The following NCOA7 variants were observed in gnomAD, a reference collection of about 807,000 sequenced individuals.
NCOA7 encodes the protein 140 kDa estrogen receptor-associated protein.
Under a neutral mutation model 104.3 loss-of-function variants are expected in NCOA7, and 45 were observed. That is an observed-to-expected ratio of 0.43 (90% CI 0.34 to 0.55). NCOA7 has a LOEUF of 0.55. Among genes scored for constraint, NCOA7 ranks in the 20% least tolerant of loss-of-function variants. The pLI, the probability that NCOA7 is intolerant of heterozygous loss-of-function variation, is 0.02. For missense variants in NCOA7, 1,041 were observed against 1,119.7 expected (o/e 0.93, Z 1.00); for synonymous variants, 398 against 402.3 (o/e 0.99, Z 0.13).
At chr6:125,835,995 C>T (rs544885186) in intron 2 of NCOA7, among the ~76,000 whole-genome samples, 2 of 152,240 alleles carry the variant, frequency 1.3e-5, no homozygotes, top group East Asian at 1.9e-4. Flanking sequence ...ACAAGATAAC[C>T]TTTAAAGAAC....
intron 3 of NCOA7, among the ~76,000 whole-genome samples, chr6:125,867,248 C>A (rs2128631894): frequency 6.6e-6 from 1 of 152,304 alleles, no homozygotes; most frequent in South Asian, 2.1e-4. Flanking sequence ...AATATTGGTT[C>A]TTTACACAGA....
chr6:125,892,853 C>T (rs911731757), intron 10 of NCOA7, among the ~76,000 whole-genome samples: 1 of 152,140 alleles, frequency 6.6e-6, no homozygotes, highest in Admixed American at 6.5e-5. Context: ...TTATATTACA[C>T]TGCGTTAATG....
Position 125,878,289 on chromosome 6 carries a change from C to T in NCOA7, c.378C>T (p.Ser126=). ...YTAGNQDTLN[S]IALKFNITPN... is the part of the protein sequence containing the mutation. ...CTGGAAACCAGGACACCCTAAACTC[C>T]ATAGCACTGAAATTTAACATCACTC... Residue 126 remains serine, a synonymous_variant, in exon 5 of 16, where the codon TCC becomes TCT. Transcript: ENST00000392477. 6.2e-7 allele frequency: 1 copy of T among 1,612,488 alleles called. No homozygotes were observed. Among genetic ancestry groups the T allele is most frequent in the South Asian group, 1.1e-5 (1 of 90,792 alleles).
chr6:125,924,073 T>C (rs1787815162), intron 13 of NCOA7, among the ~76,000 whole-genome samples: 2 of 152,194 alleles, frequency 1.3e-5, no homozygotes, highest in Non-Finnish European at 2.9e-5. Context: ...ATAAAAAAAT[T>C]AAAATAATGA....
intron 11 of NCOA7, among the ~76,000 whole-genome samples, chr6:125,920,158 A>G (rs1337886830): frequency 2.0e-5 from 3 of 152,218 alleles, no homozygotes; most frequent in Non-Finnish European, 4.4e-5. Context: ...TGATGTTTCT[A>G]GGTTTAGAAG....
At chr6:125,856,264 A>G (rs139994229) in intron 3 of NCOA7, among the ~76,000 whole-genome samples, 6 of 152,256 alleles carry the variant, frequency 3.9e-5, no homozygotes, top group African/African-American at 1.4e-4. Context: ...CAGAGAAATG[A>G]CACTCGTTCT....
At chr6:125,859,237 G>T (rs962505635) in intron 3 of NCOA7, among the ~76,000 whole-genome samples, 2 of 143,608 alleles carry the variant, frequency 1.4e-5, no homozygotes, top group Non-Finnish European at 3.1e-5. Context: ...TGTGAGGGAG[G>T]AAAAAAAAAA....
At chr6:125,922,628 G>T (rs772379499) in intron 12 of NCOA7, 54 bp from the exon 13 acceptor site, 24 of 1,582,146 alleles carry the variant, frequency 1.5e-5, no homozygotes, top group African/African-American at 2.7e-5. Flanking sequence ...CCACATGTTC[G>T]TGAGCAATTT....
intron 2 of NCOA7, among the ~76,000 whole-genome samples, chr6:125,845,013 A>G (rs2128608359): frequency 6.6e-6 from 1 of 152,354 alleles, no homozygotes; most frequent in South Asian, 2.1e-4. Flanking sequence ...GTCAAGGACA[A>G]CAAACCTGAG....
At chr6:125,799,259 C>T (rs746840986) in intron 1 of NCOA7, among the ~76,000 whole-genome samples, 2 of 150,980 alleles carry the variant, frequency 1.3e-5, no homozygotes, top group Non-Finnish European at 2.9e-5. Flanking sequence ...CCTTTGCTGT[C>T]CTTGCTAGCT....
At chr6:125,803,050 A>G (rs939215494) in intron 1 of NCOA7, among the ~76,000 whole-genome samples, 2 of 152,214 alleles carry the variant, frequency 1.3e-5, no homozygotes, top group African/African-American at 4.8e-5. Flanking sequence ...CTGAGGCAGA[A>G]TCTGGTAGAA....
chr6:125,892,891 G>A (rs1784730983), intron 10 of NCOA7, among the ~76,000 whole-genome samples: 1 of 151,716 alleles, frequency 6.6e-6, no homozygotes, highest in Non-Finnish European at 1.5e-5. Flanking sequence ...TAGATGTTAG[G>A]AATTTTTTTG....
At chr6:125,913,047 C>T (rs1015663121) in intron 10 of NCOA7, among the ~76,000 whole-genome samples, 1 of 152,128 alleles carries the variant, frequency 6.6e-6, no homozygotes, top group Non-Finnish European at 1.5e-5. Flanking sequence ...ATTTCTCCCA[C>T]CCCATTCCAT....
At chr6:125,833,466 C>G (rs894874985) in intron 2 of NCOA7, among the ~76,000 whole-genome samples, 10 of 151,686 alleles carry the variant, frequency 6.6e-5, no homozygotes, top group African/African-American at 1.7e-4. Flanking sequence ...TCCTGTAATC[C>G]CAGCTACTCG....
chr6:125,898,654 C>T (rs113939314), intron 10 of NCOA7, among the ~76,000 whole-genome samples: 7 of 152,260 alleles, frequency 4.6e-5, no homozygotes, highest in African/African-American at 1.7e-4. Context: ...TTCATTCCCA[C>T]AAAAATATCT....
chr6:125,876,223 C>G lies in NCOA7; in HGVS notation c.351+1255C>G, dbSNP rs145387755. Among the ~76,000 whole-genome samples, 349 of 152,278 alleles carry G rather than the reference C, an allele frequency of 2.3e-3. 1 individual carries two copies. Among genetic ancestry groups the G allele is most frequent in the African/African-American group, 7.9e-3 (328 of 41,550 alleles). On this transcript the variant is annotated intron_variant, in intron 4 of 15. Transcript: ENST00000392477. Reference sequence around the variant, plus strand: ...TCTTTTGCAATAGTAAATCTGCAAGCCTCTGTAGAGTCACATTGAAGATCT... The same window carrying G: ...TCTTTTGCAATAGTAAATCTGCAAGGCTCTGTAGAGTCACATTGAAGATCT...
In NCOA7 at chr6:125,910,300, T is replaced by C. The variant is rs138630550; in HGVS notation, c.2097-5033T>C. ...GCATGCCTTTTTCTCTCAAGTCAGCTAGCCAGCAACCTATTAGGAACCACT... is the reference window on the plus strand; with the variant it reads ...GCATGCCTTTTTCTCTCAAGTCAGCCAGCCAGCAACCTATTAGGAACCACT... On this transcript the variant is annotated intron_variant, in intron 10 of 15. Transcript: ENST00000392477. Among the ~76,000 whole-genome samples, 622 of 152,298 alleles carry C rather than the reference T, an allele frequency of 4.1e-3. 3 individuals carry two copies. The highest frequency in any genetic ancestry group is 0.014 in the South Asian group (66 of 4,828).
Position 125,915,373 on chromosome 6 carries a change from G to A in NCOA7, c.2137G>A (p.Asp713Asn), listed in dbSNP as rs376310829. 42 of 1,613,804 alleles carry A rather than the reference G, an allele frequency of 2.6e-5. No individual in the cohort carries two copies. Among genetic ancestry groups the A allele is most frequent in the South Asian group, 1.9e-4 (17 of 91,068 alleles). Residue 713 changes from aspartate to asparagine, a missense_variant, in exon 11 of 16, where the codon GAT (aspartate) becomes AAT (asparagine). This residue lies in a region of NCOA7 where 914 missense variants were observed against 942.7 expected (regional missense o/e 0.97). Coordinates refer to ENST00000392477, the MANE Select transcript of NCOA7 (RefSeq NM_181782.5). ...LYTFFVQWSP[D>N]VYGKDAKEQG... Reference sequence around the variant, plus strand: ...CACATTCTTTGTTCAGTGGTCTCCCGATGTCTATGGAAAAGATGCCAAAGA... The same window carrying A: ...CACATTCTTTGTTCAGTGGTCTCCCAATGTCTATGGAAAAGATGCCAAAGA...
chr6:125,853,574 G>T (rs1781304507), intron 2 of NCOA7, among the ~76,000 whole-genome samples: 2 of 152,132 alleles, frequency 1.3e-5, no homozygotes, highest in Admixed American at 6.5e-5. Context: ...GAACCTGGCT[G>T]CTCAGTGTTC....
Sources: allele counts gnomAD v4.1 joint callset (sites outside exome capture counted in the v4.1 genomes callset), GRCh38; gene constraint gnomAD v4.1.1; regional missense constraint gnomAD v4.1.1; transcripts MANE v1.5; gene names NCBI Gene and HGNC (gene_info 2026-07-23, HGNC 2026-07-21).